DRC9: variants seen among roughly 807,000 people sequenced by gnomAD.
DRC9 encodes dynein regulatory complex protein 9.
the DRC9 span, chr3:197,951,237 T>C: frequency 1.9e-6 from 3 of 1,614,206 alleles, no homozygotes; most frequent in Non-Finnish European, 2.5e-6. Context: ...TTCTTAAAAT[T>C]GAAGGTGTTT....
chr3:197,912,669 A>AC, the DRC9 span: 1 of 1,610,736 alleles, frequency 6.2e-7, no homozygotes, highest in Non-Finnish European at 8.5e-7. Flanking sequence ...AGCTGTGGGG[A>AC]CCCACCTGCT....
chr3:197,899,918 C>A, the DRC9 span, among the ~76,000 whole-genome samples: 4 of 152,218 alleles, frequency 2.6e-5, 1 homozygote, highest in South Asian at 6.2e-4. Flanking sequence ...CTCTCCACCC[C>A]CTGGCAGCAG....
the DRC9 span, among the ~76,000 whole-genome samples, chr3:197,915,163 C>CAAAAAAAAAAAAAAAAAA: frequency 2.8e-5 from 2 of 71,364 alleles, no homozygotes; most frequent in African/African-American, 4.4e-5. Context: ...GATTCTGTCT[C>CAAAAAAAAAAAAAAAAAA]AAAAAAAAAA....
At chr3:197,923,791 G>A in the DRC9 span, among the ~76,000 whole-genome samples, 1 of 152,180 alleles carries the variant, frequency 6.6e-6, no homozygotes, top group Non-Finnish European at 1.5e-5. Flanking sequence ...TCTCAGCTGG[G>A]CATGGCAGCT....
chr3:197,950,994 A>G, the DRC9 span: 2 of 1,613,020 alleles, frequency 1.2e-6, no homozygotes, highest in African/African-American at 1.3e-5. Flanking sequence ...CGTTTTAAAT[A>G]TAGTTCTTTA....
the DRC9 span, chr3:197,951,652 C>CCTG: frequency 3.4e-6 from 1 of 293,434 alleles, no homozygotes; most frequent in South Asian, 3.5e-5. Context: ...CGCGCCTGGC[C>CCTG]TCATTATCCT....
At chr3:197,953,850 G>T in the DRC9 span, 1 of 735,680 alleles carries the variant, frequency 1.4e-6, no homozygotes, top group South Asian at 1.5e-5. Flanking sequence ...TACTCGATAA[G>T]TATCTGTTGA....
chr3:197,892,188 C>T, the DRC9 span, among the ~76,000 whole-genome samples: 1 of 152,232 alleles, frequency 6.6e-6, no homozygotes, highest in African/African-American at 2.4e-5. Flanking sequence ...CCATGCCCAG[C>T]AGTAGCTGAC....
chr3:197,925,036 A>G, the DRC9 span, among the ~76,000 whole-genome samples: 3 of 152,190 alleles, frequency 2.0e-5, no homozygotes, highest in Non-Finnish European at 4.4e-5. Flanking sequence ...CAATACAAAT[A>G]ACATAATGAA....
the DRC9 span, among the ~76,000 whole-genome samples, chr3:197,915,355 A>T: frequency 1.9e-4 from 29 of 151,566 alleles, no homozygotes. Flanking sequence ...GGTTGAGGGG[A>T]GGACAGGATG....
the DRC9 span, among the ~76,000 whole-genome samples, chr3:197,896,946 A>T: frequency 6.6e-6 from 1 of 152,170 alleles, no homozygotes; most frequent in African/African-American, 2.4e-5. Flanking sequence ...ACATGTGGGG[A>T]TTATTGCAAT....
chr3:197,903,268 G>C, the DRC9 span, among the ~76,000 whole-genome samples: 2 of 152,198 alleles, frequency 1.3e-5, no homozygotes, highest in African/African-American at 4.8e-5. Flanking sequence ...CAGGACATTG[G>C]ACTGGGCAAA....
At chr3:197,934,181 G>GTTTTTTTTT in the DRC9 span, among the ~76,000 whole-genome samples, 36 of 82,598 alleles carry the variant, frequency 4.4e-4, 1 homozygote, top group African/African-American at 2.7e-3. Flanking sequence ...TTCATTCTGG[G>GTTTTTTTTT]TCTTTTTTTT....
chr3:197,929,580 T>G, the DRC9 span, among the ~76,000 whole-genome samples: 1 of 151,914 alleles, frequency 6.6e-6, no homozygotes, highest in Admixed American at 6.6e-5. The surrounding 1 kb of genome is among the most constrained non-coding windows in gnomAD (Gnocchi z 4.6). Flanking sequence ...GAGACTGGCC[T>G]GGGCAACATA....
At chr3:197,894,430 A>G in the DRC9 span, 1 of 152,240 alleles carries the variant, frequency 6.6e-6, no homozygotes, top group South Asian at 2.1e-4. Flanking sequence ...TAAAGGCAAA[A>G]GAAGGTATAA....
At chr3:197,950,190 C>T in the DRC9 span, 35 of 1,231,598 alleles carry the variant, frequency 2.8e-5, no homozygotes, top group East Asian at 5.7e-4. Flanking sequence ...GGGCCTCGTC[C>T]TTCTCTTACC....
At chr3:197,914,660 C>T in the DRC9 span, among the ~76,000 whole-genome samples, 1 of 152,114 alleles carries the variant, frequency 6.6e-6, no homozygotes, top group Admixed American at 6.5e-5. Context: ...ATAGAGCTTA[C>T]AGTCTAATAG....
the DRC9 span, among the ~76,000 whole-genome samples, chr3:197,948,179 C>T: frequency 6.6e-6 from 1 of 152,016 alleles, no homozygotes; most frequent in Non-Finnish European, 1.5e-5. Context: ...GTGATCCACC[C>T]ACCTCAGCCT....
At chr3:197,892,635 G>T in the DRC9 span, 1 of 1,599,866 alleles carries the variant, frequency 6.3e-7, no homozygotes, top group Admixed American at 1.7e-5. Flanking sequence ...TACCATCTTT[G>T]CCAGGTCTTG....
Sources: gnomAD v4.1 joint callset for allele counts (sites outside exome capture counted in the v4.1 genomes callset) on GRCh38, gnomAD v4.1.1 for gene constraint, Gnocchi (gnomAD v3.1) non-coding constraint, MANE v1.5 for transcripts, NCBI Gene and HGNC (gene_info 2026-07-23, HGNC 2026-07-21) for gene names.